Variants in WWOX observed in about 807,000 individuals in gnomAD.
WWOX encodes the protein WW domain containing oxidoreductase.
In WWOX, 69 loss-of-function variants were observed where a neutral mutation model predicts 46.2. That is an observed-to-expected ratio of 1.49 (90% CI 1.23 to 1.82). WWOX has a LOEUF of 1.82. Ranked by LOEUF, WWOX falls within the 40% of genes most tolerant of loss-of-function variation. The pLI, the probability that WWOX is intolerant of heterozygous loss-of-function variation, is 0.00. For missense variants in WWOX, 919 were observed against 542.6 expected (o/e 1.69, Z -6.89); for synonymous variants, 359 against 202.6 (o/e 1.77, Z -6.56).
intron 8 of WWOX, among the ~76,000 whole-genome samples, chr16:78,665,570 C>G (rs1184284946): frequency 6.6e-6 from 1 of 152,100 alleles, no homozygotes; most frequent in Non-Finnish European, 1.5e-5. Flanking sequence ...TCCTTTCCCT[C>G]TACCACGCTG....
intron 8 of WWOX, among the ~76,000 whole-genome samples, chr16:78,675,156 T>C (rs377114235): frequency 6.6e-6 from 1 of 152,216 alleles, no homozygotes; most frequent in African/African-American, 2.4e-5. Context: ...TTCATCAAAA[T>C]GGGTAGGATT....
chr16:78,294,686 A>G lies in WWOX; in HGVS notation c.517-92174A>G, dbSNP rs566844549. On this transcript the variant is annotated intron_variant, in intron 5 of 8. Coordinates refer to ENST00000566780, the MANE Select transcript of WWOX (RefSeq NM_016373.4). Reference sequence around the variant, plus strand: ...TTATAATGTGACTCCATGATGAGATAGTTGGATATAGCCTTATGTTCCCAG... The same window carrying G: ...TTATAATGTGACTCCATGATGAGATGGTTGGATATAGCCTTATGTTCCCAG... 2.0e-4 allele frequency among the ~76,000 whole-genome samples: 30 copies of G among 152,202 alleles called. No individual in the cohort carries two copies. In the South Asian group the frequency reaches 5.6e-3, roughly 28 times the overall value.
At chr16:78,358,895 A>G (rs1459251433) in intron 5 of WWOX, among the ~76,000 whole-genome samples, 4 of 133,978 alleles carry the variant, frequency 3.0e-5, no homozygotes, top group South Asian at 2.3e-4. Context: ...AACCAGACAT[A>G]TAGTGGCCAT....
intron 8 of WWOX, among the ~76,000 whole-genome samples, chr16:79,070,002 A>T (rs550316966): frequency 6.6e-6 from 1 of 152,358 alleles, no homozygotes; most frequent in East Asian, 1.9e-4. Flanking sequence ...AATTATTTTG[A>T]AACATCTTCT....
intron 8 of WWOX, among the ~76,000 whole-genome samples, chr16:78,486,847 C>G (rs1042955792): frequency 6.6e-6 from 1 of 152,222 alleles, no homozygotes; most frequent in African/African-American, 2.4e-5. Flanking sequence ...GCTGGGATTA[C>G]AGGCATGAGC....
chr16:78,680,388 G>C (rs900477602), intron 8 of WWOX, among the ~76,000 whole-genome samples: 6 of 152,114 alleles, frequency 3.9e-5, no homozygotes, highest in African/African-American at 1.4e-4. Flanking sequence ...ACAAAAATTA[G>C]CTGGGCATGG....
chr16:78,927,307 G>GAT (rs2045521083), intron 8 of WWOX, among the ~76,000 whole-genome samples: 1 of 152,166 alleles, frequency 6.6e-6, no homozygotes, highest in East Asian at 1.9e-4. Context: ...CCTGCTCTTG[G>GAT]TCCACTGTTT....
chr16:78,192,267 G>T (rs537203032), intron 5 of WWOX, among the ~76,000 whole-genome samples: 2 of 152,204 alleles, frequency 1.3e-5, no homozygotes, highest in South Asian at 2.1e-4. Flanking sequence ...TGCTGACGCG[G>T]GTGGATCACA....
At chr16:78,188,082 A>G (rs1382619777) in intron 5 of WWOX, among the ~76,000 whole-genome samples, 2 of 152,204 alleles carry the variant, frequency 1.3e-5, no homozygotes, top group African/African-American at 4.8e-5. Context: ...GGTACTTGCT[A>G]TAGTTTTCTA....
At chr16:79,166,326 G>A (rs2050593741) in intron 8 of WWOX, among the ~76,000 whole-genome samples, 1 of 152,166 alleles carries the variant, frequency 6.6e-6, no homozygotes, top group South Asian at 2.1e-4. Context: ...GACACAGGAG[G>A]ATGGAATTAC....
intron 8 of WWOX, among the ~76,000 whole-genome samples, chr16:78,590,706 C>G (rs932045235): frequency 6.6e-6 from 1 of 152,204 alleles, no homozygotes; most frequent in Non-Finnish European, 1.5e-5. Context: ...AGGCACATCT[C>G]TACGTTGTTG....
chr16:78,435,569 A>G (rs1022712066), intron 8 of WWOX, among the ~76,000 whole-genome samples: 44 of 152,322 alleles, frequency 2.9e-4, no homozygotes, highest in African/African-American at 9.6e-4. Flanking sequence ...TGACATCGCA[A>G]AAATCCCAGG....
At chr16:79,061,146 T>G (rs1387508237) in intron 8 of WWOX, among the ~76,000 whole-genome samples, 1 of 152,154 alleles carries the variant, frequency 6.6e-6, no homozygotes, top group Non-Finnish European at 1.5e-5. Flanking sequence ...TCCTTTATGT[T>G]GAGGGAGAAA....
At chr16:79,001,888 A>C (rs570257453) in intron 8 of WWOX, among the ~76,000 whole-genome samples, 2 of 152,216 alleles carry the variant, frequency 1.3e-5, no homozygotes, top group African/African-American at 4.8e-5. Flanking sequence ...TTCTAGAGCA[A>C]CCTCTTGGCT....
At chr16:79,095,410 G>A (rs780225926) in intron 8 of WWOX, among the ~76,000 whole-genome samples, 14 of 152,102 alleles carry the variant, frequency 9.2e-5, no homozygotes, top group East Asian at 1.9e-4. Context: ...ATTGAGGCAC[G>A]GACAAAATAA....
intron 8 of WWOX, chr16:78,780,284 C>T (rs903034502): frequency 5.9e-5 from 9 of 152,144 alleles, no homozygotes; most frequent in African/African-American, 1.9e-4. Context: ...TTCTTGTCTT[C>T]CCCGACTCAA....
chr16:79,068,851 A>AATC (rs1345035520), intron 8 of WWOX, among the ~76,000 whole-genome samples: 1 of 136,328 alleles, frequency 7.3e-6, no homozygotes, highest in African/African-American at 2.7e-5. Flanking sequence ...TAATAATAAT[A>AATC]ATAATAATAA....
At position 78,760,279 on chromosome 16, in the gene WWOX, C is replaced by T. The variant is rs541203087; in HGVS notation, c.1056+327527C>T. On this transcript the variant is annotated intron_variant, in intron 8 of 8. Coordinates refer to ENST00000566780, the MANE Select transcript of WWOX (RefSeq NM_016373.4). ...TGAGAACAATATGGGAGAAATCGAT[C>T]CTGTGATTCAATTATCTCCCACCAG... Among the ~76,000 whole-genome samples the T allele has an allele frequency of 4.6e-5, 7 of 152,282 alleles. No homozygotes were observed. The South Asian group carries it at 1.2e-3, about 27-fold the overall frequency.
chr16:78,853,900 T>A (rs143393402), intron 8 of WWOX, among the ~76,000 whole-genome samples: 126 of 152,282 alleles, frequency 8.3e-4, no homozygotes, highest in African/African-American at 2.8e-3. Context: ...ATTCAGACAT[T>A]GATGTAATTT....
Sources: gnomAD v4.1 joint callset for allele counts (sites outside exome capture counted in the v4.1 genomes callset) on GRCh38, gnomAD v4.1.1 for gene constraint, MANE v1.5 for transcripts, NCBI Gene and HGNC (gene_info 2026-07-23, HGNC 2026-07-21) for gene names.